The following COL1A1 variants were observed in gnomAD, a reference collection of about 807,000 sequenced individuals.
COL1A1 encodes collagen type I alpha 1 chain.
A neutral mutation model predicts 195.7 loss-of-function variants in COL1A1; 21 were observed. That is an observed-to-expected ratio of 0.11 (90% CI 0.08 to 0.15). The LOEUF is 0.15. Among genes scored for constraint, COL1A1 ranks in the 10% least tolerant of loss-of-function variants. COL1A1 has a pLI of 1.00. For missense variants in COL1A1, 1,365 were observed against 2,051.0 expected, an observed-to-expected ratio of 0.67 and a Z score of 6.46; for synonymous variants, 749 against 747.3, an observed-to-expected ratio of 1.00 and a Z score of -0.04.
intron 5 of COL1A1, chr17:50,198,720 C>A (rs1910426129): frequency 1.7e-6 from 1 of 582,824 alleles, no homozygotes; most frequent in Admixed American, 2.8e-5. Flanking sequence ...CTGGACTCAT[C>A]AAAACTCCCA....
At chr17:50,201,178 C>T (rs1338896281) in intron 1 of COL1A1, among the ~76,000 whole-genome samples, 4 of 152,230 alleles carry the variant, frequency 2.6e-5, no homozygotes, top group Admixed American at 2.6e-4. Flanking sequence ...CTCTCTTGCA[C>T]CAACTCACGC....
chr17:50,199,432 G>A lies in COL1A1; in HGVS notation c.355C>T (p.Pro119Ser), dbSNP rs1419631233. The change falls in exon 4 of 51, where the codon CCC becomes TCC. Residue 119 changes from proline (P) to serine (S), a missense_variant. Transcript: ENST00000225964. ...GCAACGCTTACCCTTGGGCCTCGGG[G>A]GCCAGTGTCTCCCTTGGGTCCCTGT... is the stretch of plus-strand genomic sequence containing the variant. Reference protein sequence around the residue: ...GVEGPKGDTGPRGPRGPAGPP... With the variant: ...GVEGPKGDTGSRGPRGPAGPP... 1 of 1,614,052 alleles carries A rather than the reference G, an allele frequency of 6.2e-7. No individual in the cohort carries two copies. The highest frequency in any genetic ancestry group is 8.5e-7 in the Non-Finnish European group (1 of 1,180,012).
chr17:50,195,298 G>C lies in COL1A1; in HGVS notation c.1233C>G (p.Phe411Leu), dbSNP rs776387246. The change falls in exon 19 of 51, where the codon TTC (phenylalanine) becomes TTG (leucine). Residue 411 changes from phenylalanine to leucine, a missense_variant. This residue lies in a region of COL1A1 where 226 missense variants were observed against 372.9 expected (regional missense o/e 0.61). Transcript: ENST00000225964. The surrounding 1 kb of genome is among the most constrained non-coding windows in gnomAD (Gnocchi z 4.3). Reference protein sequence around the residue: ...GAPGIAGAPGFPGARGPSGPQ... With the variant: ...GAPGIAGAPGLPGARGPSGPQ... ...GTCCAGAGGGGCCTCGGGCACCAGG[G>C]AAGCCAGGAGCACCAGCAATACCAG... is the stretch of plus-strand genomic sequence containing the variant. 1 of 1,613,822 alleles carries C rather than the reference G, an allele frequency of 6.2e-7. No homozygotes were observed. The highest frequency in any genetic ancestry group is 8.5e-7 in the Non-Finnish European group (1 of 1,179,934).
At position 50,191,403 on chromosome 17, in the gene COL1A1, G is replaced by C. The variant is rs1282743605; in HGVS notation, c.2215C>G (p.Pro739Ala). 1 of 1,614,012 alleles carries C rather than the reference G, an allele frequency of 6.2e-7. No individual in the cohort carries two copies. The change falls in exon 32 of 51, where the codon CCA becomes GCA. Residue 739 changes from proline (P) to alanine (A), a missense_variant. Physicochemically the swap from Pro to Ala is conservative, Grantham distance 27. This residue lies in a region of COL1A1 where 671 missense variants were observed against 1,099.9 expected (regional missense o/e 0.61). Transcript: ENST00000225964. Reference protein sequence around the residue: ...MPGERGAAGLPGPKGDRGDAG... With the variant: ...MPGERGAAGLAGPKGDRGDAG... ...CTTACTCTGTCACCCTTAGGCCCTG[G>C]AAGACCAGCTGCACCACGTTCACCA...
At position 50,195,520 on chromosome 17, in the gene COL1A1, C is replaced by T; in HGVS notation, c.1156-42G>A. On this transcript the variant is annotated intron_variant, in intron 17 of 50. Transcript: ENST00000225964. This position sits in a 1 kb window ranked among gnomAD's most constrained non-coding sequence, Gnocchi z 4.3. ...GGAGTGTCAGCAACAGGCAAGGACT[C>T]TGAGGTTAGAAAGTGGCAAAGGGGA... 1 of 1,614,078 alleles carries T rather than the reference C, an allele frequency of 6.2e-7. No homozygotes were observed. The highest frequency in any genetic ancestry group is 8.5e-7 in the Non-Finnish European group (1 of 1,179,978).
At chr17:50,192,140 C>G in intron 29 of COL1A1, 116 bp from the exon 30 acceptor site, 1 of 1,124,636 alleles carries the variant, frequency 8.9e-7, no homozygotes, top group East Asian at 2.6e-5. Context: ...AACCCCTTCT[C>G]AGCACTGAAT....
rs1486206554 is a variant in COL1A1, at chr17:50,188,510, A to C, written c.3207+20T>G. 1 of 1,610,500 alleles carries C rather than the reference A, an allele frequency of 6.2e-7. No individual in the cohort carries two copies. The highest frequency in any genetic ancestry group is 2.2e-5 in the East Asian group (1 of 44,844). On this transcript the variant is annotated intron_variant, in intron 43 of 50. Transcript: ENST00000225964. The surrounding 1 kb of genome is among the most constrained non-coding windows in gnomAD (Gnocchi z 5.6). ...TCCCTGGCCTGACCAGGTACAGGGA[A>C]CTGGAGCCCAGCTACTTACAGTCTC...
At chr17:50,193,361 T>C (rs1052592248) in intron 25 of COL1A1, 35 of 497,190 alleles carry the variant, frequency 7.0e-5, no homozygotes, top group Non-Finnish European at 1.1e-4. Context: ...GTGCCTATCA[T>C]ATCAAAGGCC....
rs886053159 is a variant in COL1A1 at position 50,185,886 on chromosome 17, C to G, written c.4140G>C (p.Gln1380His). The stretch of plus-strand genomic sequence containing the variant: ...GCAGGGCCTTCTTGAGGTTGCCAGT[C>G]TGCTGGTCCATGTAGGCCACGCTGT... ...CKNSVAYMDQQTGNLKKALLL... is the reference protein window; with the variant it reads ...CKNSVAYMDQHTGNLKKALLL... The change falls in exon 50 of 51, where the codon CAG (glutamine) becomes CAC (histidine). Residue 1380 changes from glutamine (Q) to histidine (H), a missense_variant. Physicochemically the swap from Gln to His is conservative, Grantham distance 24. This residue lies in a region of COL1A1 where 273 missense variants were observed against 338.6 expected (regional missense o/e 0.81). Transcript: ENST00000225964. 1.2e-6 allele frequency: 2 copies of G among 1,614,156 alleles called. No individual in the cohort carries two copies. Among genetic ancestry groups the G allele is most frequent in the Admixed American group, 3.3e-5 (2 of 60,022 alleles).
In COL1A1 at chr17:50,194,854, G is replaced by A. The variant is rs201934185; in HGVS notation, c.1354-26C>T. ...CTGGAGAGGGCCGAGAGGAGGAGGC[G>A]GCCTGTGGTGAGGGGCCATCCTGTG... On this transcript the variant is annotated intron_variant, in intron 20 of 50. Coordinates refer to ENST00000225964, the MANE Select transcript of COL1A1 (RefSeq NM_000088.4). The surrounding 1 kb of genome is among the most constrained non-coding windows in gnomAD (Gnocchi z 6.8). 1.3e-5 allele frequency: 20 copies of A among 1,568,338 alleles called. No homozygotes were observed. In the East Asian group the frequency reaches 2.8e-4, roughly 22 times the overall value.
Position 50,184,194 on chromosome 17 carries a change from T to G in COL1A1, c.*1308A>C, listed in dbSNP as rs12944834. ...CATACAAAATAGGTACAGAGTCTTT[T>G]GCTTCCTCCCACCCCTAGGGGGAAA... On this transcript the variant is annotated 3_prime_UTR_variant, in exon 51 of 51. Coordinates refer to ENST00000225964, the MANE Select transcript of COL1A1 (RefSeq NM_000088.4). The G allele has an allele frequency of 8.8e-6, 2 of 227,788 alleles. No homozygotes were observed. The highest frequency in any genetic ancestry group is 1.7e-5 in the Non-Finnish European group (2 of 114,384). 14.1% of individuals were successfully genotyped at this position (227,788 alleles called of 1,614,324 possible).
Position 50,196,304 on chromosome 17 carries a change from G to T in COL1A1, c.957+10C>A, listed in dbSNP as rs376179885. ...GCTCAGGGATCCCCCAAGGGGCCAG[G>T]AGTACTTACAGCAGGGCCAGGGGCT... is the stretch of plus-strand genomic sequence containing the variant. On this transcript the variant is annotated intron_variant, in intron 14 of 50. Coordinates refer to ENST00000225964, the MANE Select transcript of COL1A1 (RefSeq NM_000088.4). 7.7e-4 allele frequency: 1,237 copies of T among 1,607,996 alleles called. 10 individuals are homozygous for T. In the South Asian group the frequency reaches 9.2e-3, roughly 12 times the overall value.
chr17:50,199,664 G>C (rs1473103509), intron 2 of COL1A1, 74 bp from the exon 3 acceptor site: 13 of 1,611,052 alleles, frequency 8.1e-6, no homozygotes, highest in Non-Finnish European at 1.1e-5. Flanking sequence ...CCTCCAGCAC[G>C]GAGGGCCAGC....
Position 50,190,680 on chromosome 17 carries a change from T to C in COL1A1, c.2344-84A>G. On this transcript the variant is annotated intron_variant, in intron 33 of 50. Coordinates refer to ENST00000225964, the MANE Select transcript of COL1A1 (RefSeq NM_000088.4). The surrounding 1 kb of genome is among the most constrained non-coding windows in gnomAD (Gnocchi z 4.7). ...TGACCCCAGGAGAGCCTCCCCTCCT[T>C]CTGGTCCCTCCAGGTTCCCAGGTTG... 1 of 1,536,896 alleles carries C rather than the reference T, an allele frequency of 6.5e-7. No homozygotes were observed. The highest frequency in any genetic ancestry group is 9.0e-7 in the Non-Finnish European group (1 of 1,115,958).
At chr17:50,185,687 C>G in intron 50 of COL1A1, 39 bp from the exon 51 acceptor site, 2 of 1,612,270 alleles carry the variant, frequency 1.2e-6, no homozygotes, top group Non-Finnish European at 1.7e-6. Flanking sequence ...GGCATTACCA[C>G]GTGGGAGTGA....
In COL1A1 at chr17:50,191,372, G is replaced by T. The variant is rs572426023; in HGVS notation, c.2235+11C>A. ...ATGTAGGGCTCAGGGGAGGGGGAAG[G>T]TTGAACTTACTCTGTCACCCTTAGG... On this transcript the variant is annotated intron_variant, in intron 32 of 50. Transcript: ENST00000225964. 7.9e-5 allele frequency: 127 copies of T among 1,612,182 alleles called. No individual in the cohort carries two copies. The highest frequency in any genetic ancestry group is 1.0e-4 in the Non-Finnish European group (123 of 1,178,358).
At chr17:50,199,993 C>G (rs1317040294) in intron 1 of COL1A1, 46 bp from the exon 2 acceptor site, 1 of 1,589,676 alleles carries the variant, frequency 6.3e-7, no homozygotes, top group Non-Finnish European at 8.6e-7. Context: ...ACTGCAACCC[C>G]CAGCTTAACC....
chr17:50,192,945 T>C (rs1907227556), intron 26 of COL1A1, 49 bp downstream of exon 26: 2 of 1,612,972 alleles, frequency 1.2e-6, no homozygotes, highest in Non-Finnish European at 1.7e-6. Context: ...GAGGAGAAAG[T>C]GCCGGGGCAG....
intron 1 of COL1A1, among the ~76,000 whole-genome samples, chr17:50,200,676 T>C (rs1908005392): frequency 6.6e-6 from 1 of 152,016 alleles, no homozygotes; most frequent in African/African-American, 2.4e-5. Flanking sequence ...CCACTAGGTG[T>C]CGGGCAACGC....
Sources: allele counts gnomAD v4.1 joint callset (sites outside exome capture counted in the v4.1 genomes callset), GRCh38; gene constraint gnomAD v4.1.1; regional missense constraint gnomAD v4.1.1; non-coding constraint Gnocchi (gnomAD v3.1); transcripts MANE v1.5; gene names NCBI Gene and HGNC (gene_info 2026-07-23, HGNC 2026-07-21).